The following HTR2A variants were observed in gnomAD, a reference collection of about 807,000 sequenced individuals.
The protein encoded by HTR2A is 5-HT2 receptor.
In HTR2A, 14 loss-of-function variants were observed where a neutral mutation model predicts 31.0. That is an observed-to-expected ratio of 0.45 (90% CI 0.30 to 0.71). The LOEUF (loss-of-function observed/expected upper bound fraction) is 0.71, where lower values mean the gene tolerates loss of function less well. Among genes scored for constraint, HTR2A ranks in the 30% least tolerant of loss-of-function variants. HTR2A has a pLI of 0.09. For synonymous variants in HTR2A, 209 were observed against 225.2 expected, an observed-to-expected ratio of 0.93 and a Z score of 0.64; for missense variants, 442 against 573.3, an observed-to-expected ratio of 0.77 and a Z score of 2.34.
At chr13:46,837,639 C>T (rs1950570991) in intron 3 of HTR2A, among the ~76,000 whole-genome samples, 1 of 152,160 alleles carries the variant, frequency 6.6e-6, no homozygotes, top group Non-Finnish European at 1.5e-5. Flanking sequence ...TCACTCTTGC[C>T]ATCCATCTGG....
intron 3 of HTR2A, among the ~76,000 whole-genome samples, chr13:46,849,580 C>T (rs147658461): frequency 2.0e-4 from 31 of 152,304 alleles, no homozygotes; most frequent in East Asian, 5.8e-4. Flanking sequence ...CCTTCAACCC[C>T]GTAAGCTGGT....
rs934694804 is a variant in HTR2A at position 46,833,822 on chromosome 13, A to G, written c.*1015T>C. On this transcript the variant is annotated 3_prime_UTR_variant, in exon 4 of 4. Transcript: ENST00000542664. The stretch of plus-strand genomic sequence containing the variant: ...AGTATAAACCGATGGATCTGAAAGC[A>G]TCAGTTTACCTGATGAGTGTCATAG... 1 of 152,236 alleles carries G rather than the reference A, an allele frequency of 6.6e-6. No homozygotes were observed. Among genetic ancestry groups the G allele is most frequent in the African/African-American group, 2.4e-5 (1 of 41,470 alleles). The allele number at this position is 152,236 out of a possible 1,614,324, so 9.4% of individuals were successfully genotyped here.
At chr13:46,837,248 A>G (rs1950569044) in intron 3 of HTR2A, among the ~76,000 whole-genome samples, 1 of 152,042 alleles carries the variant, frequency 6.6e-6, no homozygotes, top group African/African-American at 2.4e-5. Context: ...ACCATGGACA[A>G]CCTCTCTGCT....
intron 3 of HTR2A, among the ~76,000 whole-genome samples, chr13:46,849,818 G>T (rs2138197765): frequency 6.6e-6 from 1 of 152,214 alleles, no homozygotes; most frequent in Admixed American, 6.5e-5. Flanking sequence ...CTATTTATTT[G>T]CTTGTCATCT....
intron 3 of HTR2A, among the ~76,000 whole-genome samples, chr13:46,883,577 A>G (rs888071959): frequency 6.6e-6 from 1 of 152,232 alleles, no homozygotes; most frequent in Non-Finnish European, 1.5e-5. Context: ...TAAAGACAGG[A>G]AATAAAGTAG....
intron 3 of HTR2A, 90 bp from the exon 4 acceptor site, chr13:46,835,729 G>T (rs1876432207): frequency 3.2e-6 from 3 of 926,904 alleles, no homozygotes; most frequent in East Asian, 4.9e-5. Context: ...CTATTGAAAA[G>T]ATTTTATATC....
chr13:46,897,684 C>T (rs1282572352), upstream of HTR2A, among the ~76,000 whole-genome samples: 1 of 152,190 alleles, frequency 6.6e-6, no homozygotes, highest in Non-Finnish European at 1.5e-5. Flanking sequence ...TTTTTGCAGG[C>T]ATGAAAATAT....
chr13:46,844,143 A>T (rs1950622021), intron 3 of HTR2A, among the ~76,000 whole-genome samples: 1 of 152,212 alleles, frequency 6.6e-6, no homozygotes, highest in Non-Finnish European at 1.5e-5. Context: ...TATTCATGAG[A>T]TGACAATCTC....
At chr13:46,891,790 A>G (rs1036313126) in intron 3 of HTR2A, among the ~76,000 whole-genome samples, 20 of 152,216 alleles carry the variant, frequency 1.3e-4, no homozygotes, top group African/African-American at 4.8e-4. Flanking sequence ...GAAGATCAAT[A>G]CTGGCGAGAG....
chr13:46,856,382 G>C (rs1950737683), intron 3 of HTR2A: 1 of 152,132 alleles, frequency 6.6e-6, no homozygotes, highest in Non-Finnish European at 1.5e-5. Flanking sequence ...AAAATGTAAA[G>C]TGTTTCTTCA....
At chr13:46,862,228 G>A (rs140102703) in intron 3 of HTR2A, among the ~76,000 whole-genome samples, 231 of 152,308 alleles carry the variant, frequency 1.5e-3, no homozygotes, top group Admixed American at 4.8e-3. Context: ...AAATGCATAT[G>A]TGGTTTTGAA....
At chr13:46,869,467 T>C (rs915829486) in intron 3 of HTR2A, among the ~76,000 whole-genome samples, 4 of 152,126 alleles carry the variant, frequency 2.6e-5, no homozygotes, top group African/African-American at 7.2e-5. Context: ...CCCTTGTACG[T>C]TGATGGCGGA....
intron 3 of HTR2A, among the ~76,000 whole-genome samples, chr13:46,880,010 C>CA (rs5803379): frequency 0.78 from 118,194 of 151,026 alleles, 46,394 homozygotes; most frequent in African/African-American, 0.84. Flanking sequence ...GTATCAAAAA[C>CA]AAAAAAAAAT....
At position 46,846,758 on chromosome 13, in the gene HTR2A, A is replaced by T. The variant is rs1950645979; in HGVS notation, c.614-11119T>A. ...TCCACTGTGTCCTTTCTCTGTGGGA[A>T]GAAGGGTGGTCATATGAAATCTGGG... On this transcript the variant is annotated intron_variant, in intron 3 of 3. Transcript: ENST00000542664. 5.3e-5 allele frequency among the ~76,000 whole-genome samples: 8 copies of T among 152,318 alleles called. No homozygotes were observed. The South Asian group carries it at 1.7e-3, about 32-fold the overall frequency.
At chr13:46,892,686 C>T in intron 2 of HTR2A, 96 bp from the exon 3 acceptor site, 1 of 978,906 alleles carries the variant, frequency 1.0e-6, no homozygotes, top group Non-Finnish European at 1.6e-6. Context: ...GGGACAGGCA[C>T]AGGTGGTGGC....
chr13:46,883,157 C>T (rs1950979964), intron 3 of HTR2A, among the ~76,000 whole-genome samples: 1 of 152,140 alleles, frequency 6.6e-6, no homozygotes, highest in Non-Finnish European at 1.5e-5. Context: ...CACAAAACTA[C>T]AATGAGATTT....
chr13:46,852,798 A>T (rs1950698214), intron 3 of HTR2A, among the ~76,000 whole-genome samples: 2 of 152,192 alleles, frequency 1.3e-5, no homozygotes, highest in African/African-American at 4.8e-5. Flanking sequence ...TCACTTAGTC[A>T]TGCTCCTCAA....
intron 3 of HTR2A, among the ~76,000 whole-genome samples, chr13:46,875,378 C>T (rs1189437864): frequency 6.6e-6 from 1 of 152,112 alleles, no homozygotes; most frequent in Non-Finnish European, 1.5e-5. Flanking sequence ...ATGATTGTTA[C>T]CCTAAAGGTT....
intron 3 of HTR2A, among the ~76,000 whole-genome samples, chr13:46,854,758 A>G (rs563914607): frequency 3.3e-4 from 51 of 152,340 alleles, no homozygotes; most frequent in Admixed American, 1.9e-3. Flanking sequence ...CCAAACAGCA[A>G]CAGAATAATG....
Sources: allele counts gnomAD v4.1 joint callset (sites outside exome capture counted in the v4.1 genomes callset), GRCh38; gene constraint gnomAD v4.1.1; transcripts MANE v1.5; gene names NCBI Gene and HGNC (gene_info 2026-07-23, HGNC 2026-07-21).